The following DBF4 variants were observed in gnomAD, a reference collection of about 807,000 sequenced individuals.
The protein encoded by DBF4 is DBF4-CDC7 kinase regulatory subunit, also known as protein DBF4 homolog A.
In DBF4, 25 loss-of-function variants were observed where a neutral mutation model predicts 76.6. The ratio of observed to expected loss-of-function variants is 0.33; its 90% CI spans 0.24 to 0.46. The LOEUF (loss-of-function observed/expected upper bound fraction) is 0.46, where lower values mean the gene tolerates loss of function less well. Among genes scored for constraint, DBF4 ranks in the 20% least tolerant of loss-of-function variants. The pLI is 1.00. For missense variants in DBF4, 638 were observed against 760.8 expected (o/e 0.84, Z 1.90); for synonymous variants, 213 against 258.0 (o/e 0.83, Z 1.67).
At chr7:87,882,941 A>G (rs1284845587) in intron 2 of DBF4, among the ~76,000 whole-genome samples, 2 of 152,290 alleles carry the variant, frequency 1.3e-5, no homozygotes, top group Non-Finnish European at 1.5e-5. Flanking sequence ...TGATTTTGCA[A>G]TTCCATTTCT....
At chr7:87,897,253 C>G in intron 7 of DBF4, 41 bp from the exon 8 acceptor site, 1 of 1,535,338 alleles carries the variant, frequency 6.5e-7, no homozygotes, top group Non-Finnish European at 8.8e-7. Context: ...AAAAAGAATC[C>G]TGAATTTGCA....
chr7:87,884,341 A>ATGT (rs1562757749), intron 2 of DBF4, among the ~76,000 whole-genome samples: 4 of 152,250 alleles, frequency 2.6e-5, no homozygotes, highest in Admixed American at 2.6e-4. Flanking sequence ...AACCTGGGCA[A>ATGT]CATAACAAGA....
chr7:87,892,960 A>G (rs1338632504), intron 6 of DBF4, among the ~76,000 whole-genome samples: 1 of 152,166 alleles, frequency 6.6e-6, no homozygotes, highest in East Asian at 1.9e-4. Context: ...TATCTTGGTA[A>G]CATTCCATGT....
intron 6 of DBF4, among the ~76,000 whole-genome samples, chr7:87,891,296 C>G (rs1353277119): frequency 2.0e-5 from 3 of 151,016 alleles, no homozygotes; most frequent in Non-Finnish European, 4.4e-5. Flanking sequence ...ATGTTTAATC[C>G]TATTTTCAGA....
At position 87,876,636 on chromosome 7, in the gene DBF4, C is replaced by T. The variant is rs545664836; in HGVS notation, c.-97C>T. On this transcript the variant is annotated 5_prime_UTR_variant, in exon 1 of 12. Transcript: ENST00000265728. ...GCCGTAGCTGGCGGAAGGAGAGAGGCGGCCGTCCTGTCAACAGGCCGGGGG... is the reference window on the plus strand; with the variant it reads ...GCCGTAGCTGGCGGAAGGAGAGAGGTGGCCGTCCTGTCAACAGGCCGGGGG... 8.1e-5 allele frequency: 110 copies of T among 1,361,672 alleles called. No individual in the cohort carries two copies. Among genetic ancestry groups the T allele is most frequent in the Admixed American group, 4.8e-4 (26 of 54,232 alleles). 84.3% of individuals were successfully genotyped at this position (1,361,672 alleles called of 1,614,324 possible). A position where few individuals can be genotyped will look rare whatever the true frequency, so the allele number is the denominator to read the frequency against.
In DBF4 at chr7:87,900,833, A is replaced by G. The variant is rs756746498; in HGVS notation, c.879A>G (p.Lys293=). 3 of 1,613,400 alleles carry G rather than the reference A, an allele frequency of 1.9e-6. No homozygotes were observed. The highest frequency in any genetic ancestry group is 2.5e-6 in the Non-Finnish European group (3 of 1,179,646). The change falls in exon 10 of 12, where the codon AAA becomes AAG. Residue 293 remains lysine, a synonymous_variant. Transcript: ENST00000265728. ...TCCAGTTGAAAGAGAAGAAGAAAAAAGGATATTGTGAATGTTGCTTGCAGA... is the reference window on the plus strand; with the variant it reads ...TCCAGTTGAAAGAGAAGAAGAAAAAGGGATATTGTGAATGTTGCTTGCAGA... ...IQLQLKEKKK[K]GYCECCLQKY... is the part of the protein sequence containing the mutation.
intron 3 of DBF4, among the ~76,000 whole-genome samples, chr7:87,886,028 TGAG>T (rs1031164532): frequency 8.6e-5 from 13 of 151,634 alleles, no homozygotes; most frequent in South Asian, 2.1e-4. Flanking sequence ...TTAAGGAAAA[TGAG>T]GAGAAAACAG....
In DBF4 at chr7:87,876,557, C is replaced by A. The variant is rs1212928996; in HGVS notation, c.-176C>A. ...GCCTTCCTCCTCCGCGCCTTGGAGC[C>A]GGATCCGGCCCCGGAAACCCGACCT... On this transcript the variant is annotated 5_prime_UTR_variant, in exon 1 of 12. Coordinates refer to ENST00000265728, the MANE Select transcript of DBF4 (RefSeq NM_006716.4). 1 of 654,968 alleles carries A rather than the reference C, an allele frequency of 1.5e-6. No individual in the cohort carries two copies. Among genetic ancestry groups the A allele is most frequent in the Non-Finnish European group, 2.7e-6 (1 of 376,302 alleles). 40.6% of individuals were successfully genotyped at this position (654,968 alleles called of 1,614,324 possible). A position where few individuals can be genotyped will look rare whatever the true frequency, so the allele number is the denominator to read the frequency against.
chr7:87,877,052 C>T (rs1839074110), intron 1 of DBF4, among the ~76,000 whole-genome samples: 1 of 150,704 alleles, frequency 6.6e-6, no homozygotes, highest in South Asian at 2.1e-4. Flanking sequence ...TGTGCAGATC[C>T]GGGACCTCGC....
chr7:87,897,304 C>CAA lies in DBF4; in HGVS notation c.649_650dup (p.Pro218SerfsTer4). On this transcript the variant is annotated frameshift_variant, in exon 8 of 12. Coordinates refer to ENST00000265728, the MANE Select transcript of DBF4 (RefSeq NM_006716.4). LOFTEE classifies it high-confidence loss of function. Reference sequence around the variant, plus strand: ...TTCTATGTTCTCAAGCAGGAAGACTCAAAAAGCCTTTTGTAAAGGTGGAAG... The same window carrying CAA: ...TTCTATGTTCTCAAGCAGGAAGACTCAAAAAAAGCCTTTTGTAAAGGTGGAAG... The CAA allele has an allele frequency of 6.2e-7, 1 of 1,610,670 alleles. No homozygotes were observed. Among genetic ancestry groups the CAA allele is most frequent in the Non-Finnish European group, 8.5e-7 (1 of 1,179,054 alleles).
At chr7:87,897,187 T>C (rs747843282) in intron 7 of DBF4, 107 bp from the exon 8 acceptor site, 13 of 1,016,888 alleles carry the variant, frequency 1.3e-5, no homozygotes, top group African/African-American at 3.3e-5. Context: ...TTAAAGTGGA[T>C]ACATAGTTTT....
intron 2 of DBF4, among the ~76,000 whole-genome samples, chr7:87,883,841 T>C (rs1839277342): frequency 6.6e-6 from 1 of 152,204 alleles, no homozygotes; most frequent in African/African-American, 2.4e-5. Context: ...TGTTACTGCT[T>C]ATTAATGATT....
chr7:87,900,482 A>G, intron 9 of DBF4, 133 bp downstream of exon 9: 1 of 1,098,810 alleles, frequency 9.1e-7, no homozygotes, highest in Non-Finnish European at 1.3e-6. Context: ...GATTACTTTT[A>G]TAAGTCTGAA....
Position 87,909,154 on chromosome 7 carries a change from G to A in DBF4, c.*991G>A, listed in dbSNP as rs1219681584. The stretch of plus-strand genomic sequence containing the variant: ...AGGATGGCATTGAATTATAGATACA[G>A]TTTTGGGATATATACAAGGATTGCC... On this transcript the variant is annotated 3_prime_UTR_variant, in exon 12 of 12. Coordinates refer to ENST00000265728, the MANE Select transcript of DBF4 (RefSeq NM_006716.4). The A allele has an allele frequency of 1.3e-5, 2 of 152,126 alleles. No individual in the cohort carries two copies. The highest frequency in any genetic ancestry group is 2.9e-5 in the Non-Finnish European group (2 of 68,018). The allele number at this position is 152,126 out of a possible 1,614,324, so 9.4% of individuals were successfully genotyped here.
intron 2 of DBF4, among the ~76,000 whole-genome samples, chr7:87,882,595 T>C (rs530563228): frequency 8.4e-4 from 128 of 152,276 alleles, no homozygotes; most frequent in African/African-American, 3.0e-3. Flanking sequence ...AGAATACTTA[T>C]ATAAAGAACT....
chr7:87,898,058 G>C (rs1352479011), intron 8 of DBF4, among the ~76,000 whole-genome samples: 2 of 152,176 alleles, frequency 1.3e-5, no homozygotes, highest in Non-Finnish European at 1.5e-5. Flanking sequence ...GATTACAGGC[G>C]TGAGCCACTG....
At chr7:87,896,687 G>GA (rs1554326861) in intron 7 of DBF4, among the ~76,000 whole-genome samples, 177 bp downstream of exon 7, 4 of 152,156 alleles carry the variant, frequency 2.6e-5, no homozygotes, top group African/African-American at 9.6e-5. Flanking sequence ...TCAGAATGAT[G>GA]TTTTTTTTAA....
intron 6 of DBF4, among the ~76,000 whole-genome samples, chr7:87,889,824 T>C (rs1375739583): frequency 1.3e-5 from 2 of 152,188 alleles, no homozygotes; most frequent in Non-Finnish European, 2.9e-5. Context: ...AATATAAAAG[T>C]AGAGATCTGA....
chr7:87,883,175 A>G (rs1839258318), intron 2 of DBF4, among the ~76,000 whole-genome samples: 1 of 152,202 alleles, frequency 6.6e-6, no homozygotes, highest in Non-Finnish European at 1.5e-5. Context: ...GAAGCCAGTT[A>G]CAAAAGAACA....
Sources: allele counts gnomAD v4.1 joint callset (sites outside exome capture counted in the v4.1 genomes callset), GRCh38; gene constraint gnomAD v4.1.1; transcripts MANE v1.5; gene names NCBI Gene and HGNC (gene_info 2026-07-23, HGNC 2026-07-21).